Variants in ZNF618 observed in about 807,000 individuals in gnomAD.
ZNF618 encodes zinc finger protein 618, also known as neural precursor cell expressed, developmentally down-regulated 10.
In ZNF618, 34 loss-of-function variants were observed where a neutral mutation model predicts 103.0. The ratio of observed to expected loss-of-function variants is 0.33; its 90% CI spans 0.25 to 0.44. The LOEUF is 0.44. ZNF618 is among the 20% of genes least tolerant of loss of function. ZNF618 has a pLI of 1.00. For missense variants in ZNF618, 1,059 were observed against 1,295.4 expected (o/e 0.82, Z 2.80); for synonymous variants, 551 against 542.2 (o/e 1.02, Z -0.23).
rs111469229 is a variant in ZNF618, at chr9:114,054,184, G to C, written c.*4017G>C. ...TAGGAGTCCCCTATATTTGAGCAAG[G>C]CCACCTGCTTCCCCTGGACTTGAGC... On this transcript the variant is annotated 3_prime_UTR_variant, in exon 15 of 15. Transcript: ENST00000374126. 6.6e-6 allele frequency: 1 copy of C among 152,556 alleles called. No homozygotes were observed. Among genetic ancestry groups the C allele is most frequent in the Non-Finnish European group, 1.5e-5 (1 of 68,048 alleles). 9.5% of individuals were successfully genotyped at this position (152,556 alleles called of 1,614,324 possible).
intron 2 of ZNF618, among the ~76,000 whole-genome samples, chr9:113,974,396 T>G (rs1358909852): frequency 6.6e-6 from 1 of 152,218 alleles, no homozygotes; most frequent in East Asian, 1.9e-4. Flanking sequence ...TGGAGACCGT[T>G]GTCAGGACTT....
intron 1 of ZNF618, among the ~76,000 whole-genome samples, chr9:113,928,290 T>C (rs1833275577): frequency 6.6e-6 from 1 of 152,240 alleles, no homozygotes; most frequent in Non-Finnish European, 1.5e-5. Flanking sequence ...TCCATCTCTT[T>C]GCTTATGTTA....
chr9:113,879,634 C>T (rs1038397807), intron 1 of ZNF618, among the ~76,000 whole-genome samples: 8 of 151,796 alleles, frequency 5.3e-5, no homozygotes, highest in East Asian at 1.9e-4. Context: ...ACCACATTCT[C>T]GTAGATTATT....
intron 1 of ZNF618, among the ~76,000 whole-genome samples, chr9:113,937,998 A>G (rs1256989226): frequency 6.6e-6 from 1 of 152,114 alleles, no homozygotes; most frequent in Non-Finnish European, 1.5e-5. Context: ...TGAGCTTTAT[A>G]TCAACTCCAC....
intron 2 of ZNF618, among the ~76,000 whole-genome samples, chr9:113,976,589 T>C (rs1838492009): frequency 6.6e-6 from 1 of 152,164 alleles, no homozygotes; most frequent in South Asian, 2.1e-4. Flanking sequence ...ACCCACCTTC[T>C]TGATCACTCC....
At chr9:113,949,808 T>C (rs1835380829) in intron 1 of ZNF618, among the ~76,000 whole-genome samples, 1 of 152,256 alleles carries the variant, frequency 6.6e-6, no homozygotes, top group African/African-American at 2.4e-5. Context: ...GATCGTTTCC[T>C]GATTAATTAG....
At chr9:113,881,081 A>G (rs545181466) in intron 1 of ZNF618, among the ~76,000 whole-genome samples, 50 of 152,286 alleles carry the variant, frequency 3.3e-4, no homozygotes, top group African/African-American at 9.4e-4. Context: ...AGGCAGATAC[A>G]AGTTTGAAGG....
Position 114,050,208 on chromosome 9 carries a change from A to G in ZNF618, c.*41A>G, listed in dbSNP as rs749239080. 1.5e-5 allele frequency: 22 copies of G among 1,505,102 alleles called. No individual in the cohort carries two copies. In the Admixed American group the frequency reaches 2.0e-4, roughly 14 times the overall value. 93.2% of individuals were successfully genotyped at this position (1,505,102 alleles called of 1,614,324 possible). A position where few individuals can be genotyped will look rare whatever the true frequency, so the allele number is the denominator to read the frequency against. Reference sequence around the variant, plus strand: ...GAAAAAAAAAGAAAAAGAGAAGATAACATTAGAAAAAAACCACACAACACT... The same window carrying G: ...GAAAAAAAAAGAAAAAGAGAAGATAGCATTAGAAAAAAACCACACAACACT... On this transcript the variant is annotated 3_prime_UTR_variant, in exon 15 of 15. Coordinates refer to ENST00000374126, the MANE Select transcript of ZNF618 (RefSeq NM_001318042.2).
intron 1 of ZNF618, among the ~76,000 whole-genome samples, chr9:113,938,542 A>T (rs1588095657): frequency 1.4e-5 from 2 of 142,390 alleles, no homozygotes; most frequent in African/African-American, 2.6e-5. Context: ...GTAGGATGTG[A>T]TTCCTCCTCC....
rs369184113 is a variant in ZNF618, at chr9:114,007,429, C to T, written c.630C>T (p.His210=). The change falls in exon 7 of 15, where the codon CAC becomes CAT. Residue 210 remains histidine (H), a synonymous_variant. Coordinates refer to ENST00000374126, the MANE Select transcript of ZNF618 (RefSeq NM_001318042.2). ...GTTTCCAAGAGCACCGAGACCTGCA[C>T]GCAGTGGATGGTGAGTCAGGCCCCT... ...YSCFQEHRDL[H]AVDVFSVEGA... The T allele has an allele frequency of 5.5e-5, 88 of 1,613,306 alleles. No homozygotes were observed. Among genetic ancestry groups the T allele is most frequent in the East Asian group, 1.1e-4 (5 of 44,878 alleles).
intron 1 of ZNF618, among the ~76,000 whole-genome samples, chr9:113,911,295 C>G (rs1033542987): frequency 2.6e-5 from 4 of 152,114 alleles, no homozygotes; most frequent in African/African-American, 9.7e-5. Context: ...GATGTTGACA[C>G]TTTTGACATT....
chr9:113,895,278 G>C (rs970478612), intron 1 of ZNF618, among the ~76,000 whole-genome samples: 1 of 152,182 alleles, frequency 6.6e-6, no homozygotes, highest in Non-Finnish European at 1.5e-5. Context: ...GGGGGTAAAA[G>C]GATGATGAAT....
At chr9:114,002,856 G>A (rs1433431948) in intron 6 of ZNF618, among the ~76,000 whole-genome samples, 194 bp downstream of exon 6, 3 of 152,220 alleles carry the variant, frequency 2.0e-5, no homozygotes, top group Non-Finnish European at 2.9e-5. Context: ...TTCCCAAAGC[G>A]TGCTCCATGG....
chr9:113,947,567 G>A (rs1002173216), intron 1 of ZNF618, among the ~76,000 whole-genome samples: 2 of 152,146 alleles, frequency 1.3e-5, no homozygotes, highest in African/African-American at 4.8e-5. Flanking sequence ...ACAGCCATGT[G>A]CCTCTGATTC....
At position 114,050,229 on chromosome 9, in the gene ZNF618, A is replaced by G; in HGVS notation, c.*62A>G. ...GATAACATTAGAAAAAAACCACACA[A>G]CACTGTCACAAAGAAAAGGAATTTA... On this transcript the variant is annotated 3_prime_UTR_variant, in exon 15 of 15. Transcript: ENST00000374126. The G allele has an allele frequency of 1.3e-6, 2 of 1,482,994 alleles. No homozygotes were observed. Among genetic ancestry groups the G allele is most frequent in the Non-Finnish European group, 8.9e-7 (1 of 1,118,152 alleles). 91.9% of individuals were successfully genotyped at this position (1,482,994 alleles called of 1,614,324 possible).
chr9:113,964,750 CTTTTT>C (rs765191153), intron 1 of ZNF618, among the ~76,000 whole-genome samples: 8 of 98,486 alleles, frequency 8.1e-5, no homozygotes, highest in Non-Finnish European at 1.0e-4. Context: ...CTCCTTTCTG[CTTTTT>C]TTTTTTTTTT....
chr9:113,933,084 G>T (rs1833742373), intron 1 of ZNF618, among the ~76,000 whole-genome samples: 4 of 152,140 alleles, frequency 2.6e-5, no homozygotes, highest in Admixed American at 2.6e-4. Flanking sequence ...AAGCATGTCA[G>T]CTAAGATGAG....
At chr9:113,972,160 A>G (rs1838031639) in intron 2 of ZNF618, among the ~76,000 whole-genome samples, 1 of 151,952 alleles carries the variant, frequency 6.6e-6, no homozygotes, top group Non-Finnish European at 1.5e-5. Flanking sequence ...CAATCCTTCC[A>G]TCTCAGCCTC....
At chr9:113,932,925 G>A (rs10982007) in intron 1 of ZNF618, among the ~76,000 whole-genome samples, 75,265 of 151,968 alleles carry the variant, frequency 0.5, 19,023 homozygotes, top group Non-Finnish European at 0.55. Context: ...GCATATAGAT[G>A]GCATTTAATA....
Sources: gnomAD v4.1 joint callset for allele counts (sites outside exome capture counted in the v4.1 genomes callset) on GRCh38, gnomAD v4.1.1 for gene constraint, MANE v1.5 for transcripts, NCBI Gene and HGNC (gene_info 2026-07-23, HGNC 2026-07-21) for gene names.